UPRT: variants seen among roughly 807,000 people sequenced by gnomAD.
The protein encoded by UPRT is uracil phosphoribosyltransferase homolog.
UPRT carries 5 observed loss-of-function variants against 22.6 expected under a neutral mutation model. That is an observed-to-expected ratio of 0.22 (90% CI 0.12 to 0.47). The LOEUF (loss-of-function observed/expected upper bound fraction) is 0.47, where lower values mean the gene tolerates loss of function less well. Among genes scored for constraint, UPRT ranks in the 20% least tolerant of loss-of-function variants. UPRT has a pLI of 0.99. For missense variants in UPRT, 181 were observed against 239.9 expected (o/e 0.75, Z 1.62); for synonymous variants, 77 against 87.7 (o/e 0.88, Z 0.68).
chrX:75,225,323 C>CCACACG (rs2082420776), intron 4 of UPRT, among the ~76,000 whole-genome samples: 3 of 82,044 alleles, frequency 3.7e-5, no homozygotes, highest in Non-Finnish European at 7.0e-5. Context: ...AAACCAAAAA[C>CCACACG]CACACACACA....
At chrX:75,237,584 G>A (rs778017029) in intron 4 of UPRT, among the ~76,000 whole-genome samples, 125 of 110,442 alleles carry the variant, frequency 1.1e-3, no homozygotes, top group Non-Finnish European at 1.8e-3. Flanking sequence ...TTAAGAAAAT[G>A]TGGCACATAT....
At chrX:75,187,062 A>T (rs1373757400) in intron 4 of UPRT, among the ~76,000 whole-genome samples, 7 of 111,036 alleles carry the variant, frequency 6.3e-5, no homozygotes, top group African/African-American at 2.3e-4. Context: ...GGATCCTGTC[A>T]TTGTGATGTT....
At chrX:75,232,737 A>T (rs1186456282) in intron 4 of UPRT, among the ~76,000 whole-genome samples, 1 of 112,240 alleles carries the variant, frequency 8.9e-6, no homozygotes, top group Non-Finnish European at 1.9e-5. Context: ...TGTCTGTTAG[A>T]AAGAAAACTA....
intron 1 of UPRT, among the ~76,000 whole-genome samples, chrX:75,156,926 C>CACACACACACACACACAG (rs748263766): frequency 7.2e-4 from 79 of 108,975 alleles, no homozygotes; most frequent in African/African-American, 2.6e-3. Flanking sequence ...CACACACACA[C>CACACACACACACACACAG]AGAGAGACTA....
chrX:75,244,214 C>T (rs769764355), intron 4 of UPRT, among the ~76,000 whole-genome samples: 1 of 111,536 alleles, frequency 9.0e-6, no homozygotes, highest in African/African-American at 3.3e-5. Context: ...CAGACCAAGG[C>T]TCAAATCCCA....
intron 1 of UPRT, among the ~76,000 whole-genome samples, chrX:75,284,602 C>T (rs2082672237): frequency 9.0e-6 from 1 of 111,515 alleles, no homozygotes; most frequent in African/African-American, 3.3e-5. Context: ...CTGTTCAGCT[C>T]TGGGCTGGTA....
chrX:75,186,357 T>A (rs1318184496), intron 4 of UPRT, among the ~76,000 whole-genome samples: 1 of 112,108 alleles, frequency 8.9e-6, no homozygotes. Context: ...AATCCTGACT[T>A]CTAGTTTGAT....
chrX:75,172,203 G>T (rs901877385), intron 4 of UPRT, among the ~76,000 whole-genome samples: 3 of 111,200 alleles, frequency 2.7e-5, no homozygotes, highest in Non-Finnish European at 5.7e-5. Flanking sequence ...AGACCATTAG[G>T]TGGGGGCAGG....
At chrX:75,223,438 G>C (rs1307892615) in intron 4 of UPRT, among the ~76,000 whole-genome samples, 1 of 110,965 alleles carries the variant, frequency 9.0e-6, no homozygotes, top group Non-Finnish European at 1.9e-5. Context: ...GTTGCTTGTG[G>C]CCTTGACTAC....
chrX:75,177,383 A>C (rs1364309650), intron 4 of UPRT, among the ~76,000 whole-genome samples: 2 of 111,680 alleles, frequency 1.8e-5, no homozygotes. Flanking sequence ...AGTGGTCCTT[A>C]CCGACGCATT....
At chrX:75,204,398 C>T (rs2082357241) in intron 4 of UPRT, among the ~76,000 whole-genome samples, 1 of 112,432 alleles carries the variant, frequency 8.9e-6, no homozygotes, top group Non-Finnish European at 1.9e-5. Context: ...CTTAACTCAC[C>T]TGCCAGCAGG....
At chrX:75,294,369 A>G (rs1388006863) in intron 2 of UPRT, among the ~76,000 whole-genome samples, 1 of 110,947 alleles carries the variant, frequency 9.0e-6, no homozygotes, top group African/African-American at 3.3e-5. Flanking sequence ...GAGATGAGAT[A>G]CAATAGTGAA....
chrX:75,290,542 A>G, intron 1 of UPRT, among the ~76,000 whole-genome samples: 1 of 112,067 alleles, frequency 8.9e-6, no homozygotes, highest in South Asian at 3.7e-4. Flanking sequence ...CATGGAATCC[A>G]TGTAGGTGCC....
At chrX:75,288,449 A>G (rs1287245718) in intron 1 of UPRT, among the ~76,000 whole-genome samples, 1 of 112,190 alleles carries the variant, frequency 8.9e-6, no homozygotes, top group African/African-American at 3.2e-5. Context: ...TACTAGCGAA[A>G]CAAATTCAAC....
At chrX:75,295,691 G>C (rs1450432473) in intron 2 of UPRT, among the ~76,000 whole-genome samples, 4 of 112,123 alleles carry the variant, frequency 3.6e-5, no homozygotes. Context: ...GTTGGCTTTG[G>C]TTGTTCATGG....
chrX:75,228,217 T>C (rs1359488714), intron 4 of UPRT, among the ~76,000 whole-genome samples: 2 of 112,115 alleles, frequency 1.8e-5, no homozygotes, highest in African/African-American at 6.5e-5. Flanking sequence ...ATGTTTCAAA[T>C]TGAGGCAAGG....
At chrX:75,156,856 C>A (rs2082181715) in intron 1 of UPRT, 1 of 282,973 alleles carries the variant, frequency 3.5e-6, no homozygotes, top group African/African-American at 2.8e-5. Flanking sequence ...GTTGCGCAAA[C>A]CTTGGGGCAG....
chrX:75,289,723 T>C (rs928074336), intron 1 of UPRT, among the ~76,000 whole-genome samples: 2 of 111,635 alleles, frequency 1.8e-5, no homozygotes, highest in Non-Finnish European at 3.8e-5. Context: ...GATTACCTAT[T>C]CAATAAATAG....
At chrX:75,293,988 C>A (rs2082717173) in intron 2 of UPRT, among the ~76,000 whole-genome samples, 1 of 111,073 alleles carries the variant, frequency 9.0e-6, no homozygotes, top group African/African-American at 3.3e-5. Context: ...GTACATTTGA[C>A]TGTCTATGGT....
Sources: allele counts gnomAD v4.1 joint callset (sites outside exome capture counted in the v4.1 genomes callset), GRCh38; gene constraint gnomAD v4.1.1; transcripts MANE v1.5; gene names NCBI Gene and HGNC (gene_info 2026-07-23, HGNC 2026-07-21).